SLC14A2: variants seen among roughly 807,000 people sequenced by gnomAD.
SLC14A2 encodes solute carrier family 14 member 2.
Under a neutral mutation model 104.6 loss-of-function variants are expected in SLC14A2, and 91 were observed. The ratio of observed to expected loss-of-function variants is 0.87; its 90% confidence interval spans 0.73 to 1.04. The LOEUF is 1.04. Among genes scored for constraint, SLC14A2 ranks in the 50% least tolerant of loss-of-function variants. SLC14A2 has a pLI of 0.00. For missense variants in SLC14A2, 1,189 were observed against 1,156.0 expected (o/e 1.03, Z -0.41); for synonymous variants, 476 against 466.4 (o/e 1.02, Z -0.27).
At chr18:45,537,043 C>T (rs2043800913) in intron 2 of SLC14A2, among the ~76,000 whole-genome samples, 2 of 129,682 alleles carry the variant, frequency 1.5e-5, no homozygotes, top group South Asian at 3.0e-4. Context: ...CCCTCCCTCC[C>T]TCCCTCCCTC....
At chr18:45,493,614 C>G (rs1037772951) in intron 2 of SLC14A2, among the ~76,000 whole-genome samples, 1 of 152,322 alleles carries the variant, frequency 6.6e-6, no homozygotes, top group East Asian at 1.9e-4. Flanking sequence ...CACTCTGACT[C>G]GAGAGACTGT....
At chr18:45,288,328 AAGTG>A in intron 1 of SLC14A2, among the ~76,000 whole-genome samples, 1 of 152,330 alleles carries the variant, frequency 6.6e-6, no homozygotes, top group African/African-American at 2.4e-5. Flanking sequence ...TGAGCTTGAC[AAGTG>A]AGCTGCCTCA....
At chr18:45,540,721 G>A (rs2144856542) in intron 2 of SLC14A2, among the ~76,000 whole-genome samples, 2 of 152,152 alleles carry the variant, frequency 1.3e-5, no homozygotes, top group South Asian at 4.1e-4. Context: ...CTCCAGCCTG[G>A]ACAACAGAGT....
At chr18:45,608,290 C>T (rs2044903762) in intron 2 of SLC14A2, among the ~76,000 whole-genome samples, 2 of 152,314 alleles carry the variant, frequency 1.3e-5, no homozygotes, top group African/African-American at 4.8e-5. Context: ...TTGTGAACAA[C>T]CCCAGAAAAG....
At chr18:45,679,151 C>T (rs1056747489) in intron 19 of SLC14A2, 127 bp downstream of exon 19, 16 of 834,354 alleles carry the variant, frequency 1.9e-5, no homozygotes, top group Non-Finnish European at 3.0e-5. Flanking sequence ...TATTTCAAGT[C>T]ACACTACTCA....
intron 1 of SLC14A2, among the ~76,000 whole-genome samples, chr18:45,219,203 C>T (rs926002750): frequency 6.6e-6 from 1 of 152,116 alleles, no homozygotes; most frequent in African/African-American, 2.4e-5. Flanking sequence ...GTTTTAAAAT[C>T]CTTTAGCTAA....
chr18:45,638,558 C>T (rs1599099758), intron 6 of SLC14A2, among the ~76,000 whole-genome samples: 2 of 152,266 alleles, frequency 1.3e-5, no homozygotes, highest in East Asian at 1.9e-4. Flanking sequence ...ACCTGCCATG[C>T]CCCATATCAA....
At chr18:45,381,706 A>T (rs2144383006) in intron 1 of SLC14A2, among the ~76,000 whole-genome samples, 1 of 152,220 alleles carries the variant, frequency 6.6e-6, no homozygotes, top group South Asian at 2.1e-4. Context: ...TTTTTGTTGT[A>T]CCAAACCTCC....
At chr18:45,234,302 G>A (rs992764021) in intron 1 of SLC14A2, among the ~76,000 whole-genome samples, 2 of 152,078 alleles carry the variant, frequency 1.3e-5, no homozygotes, top group East Asian at 1.9e-4. Context: ...AACTCATTTT[G>A]GAAAATTACT....
chr18:45,607,714 G>T (rs923068), intron 2 of SLC14A2, among the ~76,000 whole-genome samples: 1 of 151,420 alleles, frequency 6.6e-6, no homozygotes, highest in Non-Finnish European at 1.5e-5. Flanking sequence ...CAGGAGGAGC[G>T]TAACTGGGTT....
chr18:45,583,648 C>T (rs2044529042), intron 2 of SLC14A2, among the ~76,000 whole-genome samples: 1 of 152,080 alleles, frequency 6.6e-6, no homozygotes, highest in African/African-American at 2.4e-5. Flanking sequence ...ACTCAACCTG[C>T]ACATCCAGAT....
chr18:45,328,088 ATGT>A (rs1568153211), intron 1 of SLC14A2, among the ~76,000 whole-genome samples: 1 of 152,176 alleles, frequency 6.6e-6, no homozygotes, highest in African/African-American at 2.4e-5. Context: ...AGAAAAAAAA[ATGT>A]TGTTCCATAA....
intron 1 of SLC14A2, among the ~76,000 whole-genome samples, chr18:45,227,934 A>G (rs954640452): frequency 6.6e-6 from 1 of 152,194 alleles, no homozygotes. Flanking sequence ...ATTTCATTGC[A>G]GGAAAAAAAG....
At chr18:45,216,926 G>A (rs980649324) in intron 1 of SLC14A2, among the ~76,000 whole-genome samples, 1 of 152,088 alleles carries the variant, frequency 6.6e-6, no homozygotes, top group African/African-American at 2.4e-5. Context: ...CCTATCTGGT[G>A]AGAACTTCCC....
At chr18:45,325,211 A>G (rs1480839126) in intron 1 of SLC14A2, among the ~76,000 whole-genome samples, 2 of 152,210 alleles carry the variant, frequency 1.3e-5, no homozygotes, top group African/African-American at 4.8e-5. Flanking sequence ...TCAACGGGTG[A>G]GTCTCAGCTT....
chr18:45,557,701 C>G (rs944641936), intron 2 of SLC14A2, among the ~76,000 whole-genome samples: 1 of 152,178 alleles, frequency 6.6e-6, no homozygotes, highest in Non-Finnish European at 1.5e-5. Context: ...TAGGCATCCC[C>G]TCCTAGTGTG....
At chr18:45,348,825 C>G (rs111737115) in intron 1 of SLC14A2, among the ~76,000 whole-genome samples, 1,970 of 152,306 alleles carry the variant, frequency 0.013, 33 homozygotes, top group African/African-American at 0.041. Context: ...CTCTAATGAT[C>G]AAGCTCAAGC....
intron 2 of SLC14A2, among the ~76,000 whole-genome samples, chr18:45,581,346 C>A (rs992821434): frequency 6.6e-6 from 1 of 152,170 alleles, no homozygotes; most frequent in Admixed American, 6.5e-5. Context: ...TAGAGAGCAA[C>A]CCTCTGGGAT....
chr18:45,506,074 C>A (rs1375994516), intron 2 of SLC14A2, among the ~76,000 whole-genome samples: 4 of 152,210 alleles, frequency 2.6e-5, no homozygotes, highest in Non-Finnish European at 4.4e-5. Context: ...GGAGATTCTG[C>A]TTCCAGCTTC....
Sources: gnomAD v4.1 joint callset for allele counts (sites outside exome capture counted in the v4.1 genomes callset) on GRCh38, gnomAD v4.1.1 for gene constraint, MANE v1.5 for transcripts, NCBI Gene and HGNC (gene_info 2026-07-23, HGNC 2026-07-21) for gene names.